CADM1: variants seen among roughly 807,000 people sequenced by gnomAD.
CADM1 encodes the protein cell adhesion molecule 1, also known as TSLC-1.
CADM1 carries 15 observed loss-of-function variants against 53.1 expected under a neutral mutation model. That is an observed-to-expected ratio of 0.28 (90% CI 0.19 to 0.44). The LOEUF (loss-of-function observed/expected upper bound fraction) is 0.44, where lower values mean the gene tolerates loss of function less well. Among genes scored for constraint, CADM1 ranks in the 20% least tolerant of loss-of-function variants. The pLI is 1.00. For synonymous variants in CADM1, 281 were observed against 243.0 expected (o/e 1.16, Z -1.45); for missense variants, 434 against 611.3 (o/e 0.71, Z 3.06).
At chr11:115,408,745 A>G (rs1413828573) in intron 1 of CADM1, among the ~76,000 whole-genome samples, 1 of 152,238 alleles carries the variant, frequency 6.6e-6, no homozygotes. Flanking sequence ...ATCTTGAGCT[A>G]AAAGAAGCCA....
In CADM1 at chr11:115,190,940, G is replaced by T. The variant is rs759549353; in HGVS notation, c.1113C>A (p.Gly371=). 8.8e-6 allele frequency: 14 copies of T among 1,591,378 alleles called. No individual in the cohort carries two copies. The highest frequency in any genetic ancestry group is 1.1e-5 in the Non-Finnish European group (13 of 1,176,396). ...TTATTEPAVH[G]LTQLPNSAEE... ...CTGCGGAATTGGGCAACTGAGTAAG[G>T]CCTTACAAGTAAAAACAAATCGTTT... Residue 371 remains glycine, a splice_region_variant and synonymous_variant, in exon 10 of 12, where the codon GGC becomes GGA. Transcript: ENST00000331581.
rs117885632 is a variant in CADM1, at chr11:115,332,571, C to T, written c.125-92151G>A. Among the ~76,000 whole-genome samples the T allele has an allele frequency of 3.5e-3, 529 of 152,168 alleles. 1 individual carries two copies. Among genetic ancestry groups the T allele is most frequent in the Non-Finnish European group, 6.0e-3 (410 of 67,996 alleles). Reference sequence around the variant, plus strand: ...GTGTTATTAGGGAGGTGAGGTGCAGCAGGGGTGGTGAGAAGTATGTAAAGT... The same window carrying T: ...GTGTTATTAGGGAGGTGAGGTGCAGTAGGGGTGGTGAGAAGTATGTAAAGT... On this transcript the variant is annotated intron_variant, in intron 1 of 11. Coordinates refer to ENST00000331581, the MANE Select transcript of CADM1 (RefSeq NM_001301043.2).
At chr11:115,224,569 T>G (rs533016996) in intron 5 of CADM1, among the ~76,000 whole-genome samples, 17 of 152,206 alleles carry the variant, frequency 1.1e-4, no homozygotes, top group African/African-American at 3.9e-4. Context: ...TGCCAAACAT[T>G]TTAAAGAGCA....
At chr11:115,441,578 G>T (rs1199371903) in intron 1 of CADM1, among the ~76,000 whole-genome samples, 1 of 152,164 alleles carries the variant, frequency 6.6e-6, no homozygotes, top group African/African-American at 2.4e-5. Context: ...TTATCACTAT[G>T]CTATTAAATT....
At chr11:115,277,710 C>T (rs988907314) in intron 1 of CADM1, among the ~76,000 whole-genome samples, 2 of 152,134 alleles carry the variant, frequency 1.3e-5, no homozygotes, top group Non-Finnish European at 2.9e-5. Context: ...TCATACTCGT[C>T]ATCAAATGAC....
At chr11:115,355,596 T>A (rs566076808) in intron 1 of CADM1, among the ~76,000 whole-genome samples, 5 of 152,020 alleles carry the variant, frequency 3.3e-5, no homozygotes, top group African/African-American at 1.2e-4. Context: ...CAAACGTGCA[T>A]ATGTACCTCT....
intron 11 of CADM1, among the ~76,000 whole-genome samples, chr11:115,176,962 T>C (rs1329049165): frequency 2.0e-5 from 3 of 152,154 alleles, no homozygotes; most frequent in African/African-American, 7.2e-5. Flanking sequence ...TGCACGTACA[T>C]TGTTAAAGAC....
intron 1 of CADM1, among the ~76,000 whole-genome samples, chr11:115,473,178 GC>G (rs1469568810): frequency 6.6e-6 from 1 of 152,200 alleles, no homozygotes; most frequent in Non-Finnish European, 1.5e-5. Context: ...AAGTAAGCAG[GC>G]CGGGCATGAT....
intron 1 of CADM1, among the ~76,000 whole-genome samples, chr11:115,317,755 C>T (rs1944707038): frequency 6.6e-6 from 1 of 152,170 alleles, no homozygotes; most frequent in Non-Finnish European, 1.5e-5. Context: ...TCACCAAGCA[C>T]TTTCATTAAC....
chr11:115,289,890 C>T (rs988675332), intron 1 of CADM1, among the ~76,000 whole-genome samples: 5 of 152,102 alleles, frequency 3.3e-5, no homozygotes, highest in Admixed American at 1.3e-4. Context: ...CCACCGCGCC[C>T]GGCCCTGAAT....
At chr11:115,192,675 C>A (rs1256774988) in intron 9 of CADM1, among the ~76,000 whole-genome samples, 1 of 152,128 alleles carries the variant, frequency 6.6e-6, no homozygotes, top group Non-Finnish European at 1.5e-5. Flanking sequence ...CCACATTAAA[C>A]AAGGATGTTT....
At chr11:115,437,876 A>G (rs1383139927) in intron 1 of CADM1, among the ~76,000 whole-genome samples, 1 of 152,186 alleles carries the variant, frequency 6.6e-6, no homozygotes, top group African/African-American at 2.4e-5. Context: ...AAGTGTTTCT[A>G]TTCTCAACCA....
intron 8 of CADM1, among the ~76,000 whole-genome samples, chr11:115,202,876 G>A (rs939243392): frequency 3.4e-5 from 5 of 147,310 alleles, no homozygotes; most frequent in Admixed American, 6.7e-5. Flanking sequence ...TCTCTTTCAT[G>A]TTATTTGAAC....
At chr11:115,224,634 T>C (rs1242852163) in intron 5 of CADM1, among the ~76,000 whole-genome samples, 1 of 152,136 alleles carries the variant, frequency 6.6e-6, no homozygotes, top group Non-Finnish European at 1.5e-5. Flanking sequence ...GAGCTTCATA[T>C]TCACCCCAGT....
At chr11:115,372,519 T>C (rs1205369632) in intron 1 of CADM1, among the ~76,000 whole-genome samples, 2 of 152,150 alleles carry the variant, frequency 1.3e-5, no homozygotes, top group Non-Finnish European at 2.9e-5. Context: ...TGAGAATTTC[T>C]TTGCCTCCCT....
intron 1 of CADM1, among the ~76,000 whole-genome samples, chr11:115,247,653 A>G (rs1942449902): frequency 6.6e-6 from 1 of 152,208 alleles, no homozygotes; most frequent in Non-Finnish European, 1.5e-5. Context: ...CATTCCACTC[A>G]GGGTCTAACT....
At chr11:115,491,174 T>C (rs1949488762) in intron 1 of CADM1, among the ~76,000 whole-genome samples, 1 of 152,046 alleles carries the variant, frequency 6.6e-6, no homozygotes, top group African/African-American at 2.4e-5. Flanking sequence ...AGACAGCCGA[T>C]CAGAAGCAAG....
At chr11:115,193,430 T>C (rs1312687428) in intron 9 of CADM1, among the ~76,000 whole-genome samples, 1 of 152,232 alleles carries the variant, frequency 6.6e-6, no homozygotes, top group African/African-American at 2.4e-5. Context: ...AATATATGCA[T>C]GATAGCCATC....
chr11:115,503,451 A>T (rs1236563505), intron 1 of CADM1, among the ~76,000 whole-genome samples: 1 of 152,128 alleles, frequency 6.6e-6, no homozygotes, highest in Non-Finnish European at 1.5e-5. Flanking sequence ...CGGGCCGCCG[A>T]AAGAACGGGC....
Sources: allele counts gnomAD v4.1 joint callset (sites outside exome capture counted in the v4.1 genomes callset), GRCh38; gene constraint gnomAD v4.1.1; transcripts MANE v1.5; gene names NCBI Gene and HGNC (gene_info 2026-07-23, HGNC 2026-07-21).